The following ATOSA variants were observed in gnomAD, a reference collection of about 807,000 sequenced individuals.
The protein encoded by ATOSA is atos homolog A.
chr15:52,609,097 G>C, the ATOSA span: 2 of 1,613,414 alleles, frequency 1.2e-6, no homozygotes, highest in South Asian at 1.1e-5. Context: ...TGATAAACTA[G>C]AACTTTTGTT....
chr15:52,622,819 A>G, the ATOSA span, among the ~76,000 whole-genome samples: 4 of 151,982 alleles, frequency 2.6e-5, no homozygotes, highest in Admixed American at 6.6e-5. Flanking sequence ...GAGAGAGGGA[A>G]AGCAGCAAGA....
the ATOSA span, among the ~76,000 whole-genome samples, chr15:52,601,450 T>G: frequency 6.6e-6 from 1 of 151,348 alleles, no homozygotes; most frequent in African/African-American, 2.4e-5. Context: ...AATTCCAATA[T>G]ATAATATAAG....
the ATOSA span, chr15:52,651,803 C>G: frequency 1.4e-6 from 2 of 1,466,930 alleles, no homozygotes; most frequent in Non-Finnish European, 1.8e-6. Context: ...CCACAGCCAA[C>G]TGGTAAACAG....
the ATOSA span, among the ~76,000 whole-genome samples, chr15:52,604,144 G>A: frequency 2.0e-5 from 3 of 152,146 alleles, no homozygotes; most frequent in Admixed American, 6.5e-5. Flanking sequence ...AAACATGGCC[G>A]GGCGCCGTGG....
the ATOSA span, among the ~76,000 whole-genome samples, chr15:52,679,757 TCCTCCTCCTC>T: frequency 1.5e-4 from 1 of 6,574 alleles, no homozygotes; most frequent in South Asian, 3.0e-3. Context: ...AGTCGTCGTC[TCCTCCTCCTC>T]CTCCTCCTCC....
At chr15:52,671,963 G>C in the ATOSA span, among the ~76,000 whole-genome samples, 1 of 151,776 alleles carries the variant, frequency 6.6e-6, no homozygotes, top group South Asian at 2.1e-4. Flanking sequence ...GCTAGGAATT[G>C]TGGTATTACA....
the ATOSA span, among the ~76,000 whole-genome samples, chr15:52,662,568 A>T: frequency 6.6e-6 from 1 of 152,118 alleles, no homozygotes; most frequent in African/African-American, 2.4e-5. Context: ...CAGGAGATCG[A>T]GACCATCCTG....
chr15:52,636,315 C>A, the ATOSA span, among the ~76,000 whole-genome samples: 9 of 151,902 alleles, frequency 5.9e-5, no homozygotes, highest in African/African-American at 2.2e-4. Flanking sequence ...GTCATTGCAC[C>A]ACCCTTTACT....
At chr15:52,602,961 TG>T in the ATOSA span, among the ~76,000 whole-genome samples, 1 of 152,236 alleles carries the variant, frequency 6.6e-6, no homozygotes, top group African/African-American at 2.4e-5. Context: ...ATTATGCATT[TG>T]GAAGTTATAC....
the ATOSA span, among the ~76,000 whole-genome samples, chr15:52,695,111 G>T: frequency 1.3e-5 from 2 of 152,132 alleles, no homozygotes; most frequent in South Asian, 4.1e-4. Context: ...TTTTAGTAGA[G>T]TTGGGGTTTC....
At chr15:52,601,691 A>G in the ATOSA span, among the ~76,000 whole-genome samples, 1 of 152,202 alleles carries the variant, frequency 6.6e-6, no homozygotes, top group African/African-American at 2.4e-5. Context: ...TTCAACCATC[A>G]CTGTATACCA....
the ATOSA span, among the ~76,000 whole-genome samples, chr15:52,665,703 C>A: frequency 6.6e-6 from 1 of 152,162 alleles, no homozygotes; most frequent in Admixed American, 6.5e-5. Context: ...CATTACAGTG[C>A]TGTTTATACT....
At chr15:52,622,044 A>T in the ATOSA span, among the ~76,000 whole-genome samples, 1 of 151,938 alleles carries the variant, frequency 6.6e-6, no homozygotes, top group Non-Finnish European at 1.5e-5. Context: ...ATGGGGTTTC[A>T]CTATATTGGC....
the ATOSA span, chr15:52,629,567 G>T: frequency 5.4e-6 from 2 of 373,452 alleles, no homozygotes; most frequent in Non-Finnish European, 1.1e-5. Context: ...ACTTTGGCAG[G>T]CTGAGGAGGG....
the ATOSA span, among the ~76,000 whole-genome samples, chr15:52,665,874 C>T: frequency 1.5e-4 from 23 of 151,896 alleles, no homozygotes; most frequent in Non-Finnish European, 2.8e-4. Context: ...GTTAGCTATA[C>T]GACCATTAAA....
chr15:52,592,080 T>C, the ATOSA span, among the ~76,000 whole-genome samples: 1 of 152,184 alleles, frequency 6.6e-6, no homozygotes, highest in African/African-American at 2.4e-5. Flanking sequence ...AGGCCACATA[T>C]AGGTTCCTAA....
chr15:52,693,677 C>T, the ATOSA span, among the ~76,000 whole-genome samples: 6 of 152,150 alleles, frequency 3.9e-5, no homozygotes, highest in Non-Finnish European at 5.9e-5. Context: ...CAGATATTGT[C>T]GGTCCTTCCT....
chr15:52,611,104 T>A, the ATOSA span: 1 of 1,590,136 alleles, frequency 6.3e-7, no homozygotes, highest in Non-Finnish European at 8.5e-7. Context: ...ATACGCACTG[T>A]CCTTTTTTTT....
the ATOSA span, chr15:52,601,146 TG>T: frequency 6.5e-7 from 1 of 1,544,324 alleles, no homozygotes. Flanking sequence ...GCAACCTGAT[TG>T]TGTTTTTCTT....
Sources: allele counts gnomAD v4.1 joint callset (sites outside exome capture counted in the v4.1 genomes callset), GRCh38; gene constraint gnomAD v4.1.1; transcripts MANE v1.5; gene names NCBI Gene and HGNC (gene_info 2026-07-23, HGNC 2026-07-21).